PHACTR3: variants seen among roughly 807,000 people sequenced by gnomAD.
PHACTR3 encodes protein phosphatase 1, regulatory subunit 123.
In PHACTR3, 16 loss-of-function variants were observed where a neutral mutation model predicts 66.8. The observed-to-expected ratio is 0.24, with a 90% CI of 0.16 to 0.36. The LOEUF is 0.36. PHACTR3 is among the 10% of genes least tolerant of loss of function. The pLI, the probability that PHACTR3 is intolerant of heterozygous loss-of-function variation, is 1.00. For missense variants in PHACTR3, 647 were observed against 719.9 expected (o/e 0.90, Z 1.16); for synonymous variants, 323 against 292.1 (o/e 1.11, Z -1.08).
chr20:59,838,429 A>G (rs1037427298), intron 9 of PHACTR3, among the ~76,000 whole-genome samples: 1 of 151,922 alleles, frequency 6.6e-6, no homozygotes, highest in African/African-American at 2.4e-5. Flanking sequence ...GGAGCACTCA[A>G]AACTCCGCCC....
intron 1 of PHACTR3, among the ~76,000 whole-genome samples, chr20:59,697,271 C>T (rs553731266): frequency 1.3e-5 from 2 of 152,178 alleles, no homozygotes; most frequent in Non-Finnish European, 1.5e-5. Flanking sequence ...TTATCTTCCG[C>T]CTGCTTTCTT....
At chr20:59,643,175 T>C (rs2035165706) in intron 1 of PHACTR3, among the ~76,000 whole-genome samples, 1 of 152,206 alleles carries the variant, frequency 6.6e-6, no homozygotes, top group South Asian at 2.1e-4. Context: ...CCTCCCAAAG[T>C]GCTGGGATTA....
intron 7 of PHACTR3, among the ~76,000 whole-genome samples, chr20:59,781,031 CT>C (rs1328360970): frequency 1.3e-5 from 2 of 152,216 alleles, no homozygotes; most frequent in Non-Finnish European, 2.9e-5. Context: ...AAAATACTGC[CT>C]CACAGGCATG....
At chr20:59,749,416 T>A (rs74428962) in intron 3 of PHACTR3, among the ~76,000 whole-genome samples, 8,138 of 152,328 alleles carry the variant, frequency 0.053, 334 homozygotes, top group African/African-American at 0.11. Flanking sequence ...GTTGGCTTTT[T>A]TCCACTCTGA....
At chr20:59,644,001 CCT>C (rs2035193273) in intron 1 of PHACTR3, among the ~76,000 whole-genome samples, 2 of 152,144 alleles carry the variant, frequency 1.3e-5, no homozygotes, top group African/African-American at 4.8e-5. Flanking sequence ...AGCGGCATCT[CCT>C]CAAGGGCAGC....
intron 1 of PHACTR3, among the ~76,000 whole-genome samples, chr20:59,711,553 T>C (rs2037915244): frequency 6.6e-6 from 1 of 152,200 alleles, no homozygotes; most frequent in Admixed American, 6.5e-5. Flanking sequence ...GACAATATCA[T>C]GTCAAAAATG....
At chr20:59,751,892 TC>T (rs1024686992) in intron 3 of PHACTR3, among the ~76,000 whole-genome samples, 13 of 151,864 alleles carry the variant, frequency 8.6e-5, no homozygotes, top group African/African-American at 3.1e-4. Flanking sequence ...GTACAAGGGG[TC>T]CCCTTCCCCA....
At chr20:59,630,644 AC>A (rs2034628019) in intron 1 of PHACTR3, among the ~76,000 whole-genome samples, 1 of 152,228 alleles carries the variant, frequency 6.6e-6, no homozygotes, top group Non-Finnish European at 1.5e-5. Context: ...TTGGGGAGAC[AC>A]CGGGTGGTGC....
At position 59,738,609 on chromosome 20, in the gene PHACTR3, C is replaced by A. The variant is rs2039037549; in HGVS notation, c.119-4498C>A. On this transcript the variant is annotated intron_variant, in intron 1 of 12. Transcript: ENST00000371015. The surrounding 1 kb of genome is among the most constrained non-coding windows in gnomAD (Gnocchi z 4.4). Reference sequence around the variant, plus strand: ...CTTGGCTGCTAGGAAGCTCAGGGCACACAAATACCCTCCTCTGGAGCCCGT... The same window carrying A: ...CTTGGCTGCTAGGAAGCTCAGGGCAAACAAATACCCTCCTCTGGAGCCCGT... 6.6e-6 allele frequency among the ~76,000 whole-genome samples: 1 copy of A among 152,100 alleles called. No homozygotes were observed. The highest frequency in any genetic ancestry group is 2.4e-5 in the African/African-American group (1 of 41,432).
rs58433664 is a variant in PHACTR3 at position 59,829,334 on chromosome 20, GC to G, written c.1329-7169del. 1.6e-3 allele frequency among the ~76,000 whole-genome samples: 246 copies of G among 152,296 alleles called. No individual in the cohort carries two copies. Among genetic ancestry groups the G allele is most frequent in the African/African-American group, 5.6e-3 (234 of 41,574 alleles). Reference sequence around the variant, plus strand: ...AGTGTGGACACACTCCATCCCCTCTGCCTGGATGCCCATCCCAGGTCTTTCC... The same window carrying G: ...AGTGTGGACACACTCCATCCCCTCTGCTGGATGCCCATCCCAGGTCTTTCC... On this transcript the variant is annotated intron_variant, in intron 8 of 12. Coordinates refer to ENST00000371015, the MANE Select transcript of PHACTR3 (RefSeq NM_080672.5). This position sits in a 1 kb window ranked among gnomAD's most constrained non-coding sequence, Gnocchi z 4.2.
chr20:59,744,541 C>T (rs557164617), intron 2 of PHACTR3, among the ~76,000 whole-genome samples: 4 of 152,288 alleles, frequency 2.6e-5, no homozygotes, highest in South Asian at 4.1e-4. Flanking sequence ...TCTGAAGAGG[C>T]GCAGGCTCCA....
At chr20:59,687,860 C>A (rs1389560475) in intron 1 of PHACTR3, among the ~76,000 whole-genome samples, 1 of 152,076 alleles carries the variant, frequency 6.6e-6, no homozygotes, top group Non-Finnish European at 1.5e-5. Context: ...TCACATGGGG[C>A]TTTGAATTTC....
intron 1 of PHACTR3, among the ~76,000 whole-genome samples, chr20:59,620,581 G>A (rs1013345622): frequency 6.6e-6 from 1 of 152,196 alleles, no homozygotes; most frequent in Admixed American, 6.5e-5. Context: ...TCGAGTATAT[G>A]CGTTTTTGGC....
At chr20:59,759,801 T>C (rs1292868119) in intron 4 of PHACTR3, among the ~76,000 whole-genome samples, 2 of 152,192 alleles carry the variant, frequency 1.3e-5, no homozygotes, top group Non-Finnish European at 2.9e-5. Context: ...GGTAATTCCA[T>C]GACAGACAGA....
chr20:59,668,376 G>A (rs181629762), intron 1 of PHACTR3, among the ~76,000 whole-genome samples: 1 of 152,254 alleles, frequency 6.6e-6, no homozygotes, highest in Admixed American at 6.5e-5. Flanking sequence ...ACGTACACCC[G>A]TACGGGGTTA....
chr20:59,748,363 A>G (rs2039449325), intron 3 of PHACTR3, among the ~76,000 whole-genome samples: 1 of 151,982 alleles, frequency 6.6e-6, no homozygotes, highest in African/African-American at 2.4e-5. Context: ...CCACTTGCAG[A>G]CGAGGCGTGG....
rs560652809 is a variant in PHACTR3 at position 59,615,380 on chromosome 20, T to C, written c.118+10248T>C. Among the ~76,000 whole-genome samples, 14 of 152,294 alleles carry C rather than the reference T, an allele frequency of 9.2e-5. No individual in the cohort carries two copies. The South Asian group carries it at 2.9e-3, about 32-fold the overall frequency. ...GACGCATTAAGCACTACAGTGTGCA[T>C]GGAGCATGGTGTGAGGGTATGCAAA... On this transcript the variant is annotated intron_variant, in intron 1 of 12. Coordinates refer to ENST00000371015, the MANE Select transcript of PHACTR3 (RefSeq NM_080672.5).
intron 1 of PHACTR3, among the ~76,000 whole-genome samples, chr20:59,617,902 T>C (rs530886026): frequency 6.6e-6 from 1 of 152,338 alleles, no homozygotes; most frequent in South Asian, 2.1e-4. Flanking sequence ...CAAACCGACC[T>C]GTTGCCTCAT....
At chr20:59,719,891 G>A (rs929814897) in intron 1 of PHACTR3, among the ~76,000 whole-genome samples, 5 of 152,222 alleles carry the variant, frequency 3.3e-5, no homozygotes, top group Non-Finnish European at 7.3e-5. Flanking sequence ...AATGGAGCCT[G>A]TCCGAGGGCT....
Sources: gnomAD v4.1 joint callset for allele counts (sites outside exome capture counted in the v4.1 genomes callset) on GRCh38, gnomAD v4.1.1 for gene constraint, Gnocchi (gnomAD v3.1) non-coding constraint, MANE v1.5 for transcripts, NCBI Gene and HGNC (gene_info 2026-07-23, HGNC 2026-07-21) for gene names.